Variants in NRG1 observed in about 807,000 individuals in gnomAD.
NRG1 encodes pro-neuregulin-1, membrane-bound isoform.
NRG1 carries 18 observed loss-of-function variants against 63.8 expected under a neutral mutation model. The ratio of observed to expected loss-of-function variants is 0.28; its 90% confidence interval spans 0.19 to 0.42. The LOEUF (loss-of-function observed/expected upper bound fraction) is 0.42. Among genes scored for constraint, NRG1 ranks in the 10% least tolerant of loss-of-function variants. The pLI, the probability that NRG1 is intolerant of heterozygous loss-of-function variation, is 1.00. For synonymous variants in NRG1, 302 were observed against 301.3 expected, an observed-to-expected ratio of 1.00 and a Z score of -0.02; for missense variants, 762 against 814.7, an observed-to-expected ratio of 0.94 and a Z score of 0.79.
At chr8:32,157,584 G>A (rs1838264860) in intron 1 of NRG1, among the ~76,000 whole-genome samples, 1 of 151,460 alleles carries the variant, frequency 6.6e-6, no homozygotes, top group African/African-American at 2.4e-5. Flanking sequence ...GCTTGAACCT[G>A]GAAGGTGGAG....
At chr8:32,192,765 T>C (rs190454994) in intron 1 of NRG1, among the ~76,000 whole-genome samples, 64 of 152,158 alleles carry the variant, frequency 4.2e-4, no homozygotes, top group Admixed American at 7.2e-4. Context: ...AAGTAAAACA[T>C]AAAACATATA....
At chr8:32,385,017 G>C (rs1344309096) in intron 1 of NRG1, among the ~76,000 whole-genome samples, 2 of 152,008 alleles carry the variant, frequency 1.3e-5, no homozygotes, top group East Asian at 3.9e-4. Flanking sequence ...AGCTACTTAT[G>C]GCCTCTCTCT....
intron 1 of NRG1, among the ~76,000 whole-genome samples, chr8:32,055,820 T>G (rs987343402): frequency 6.6e-6 from 1 of 152,010 alleles, no homozygotes; most frequent in Non-Finnish European, 1.5e-5. Flanking sequence ...CTTGGTGGTG[T>G]TTTCCTTGGT....
chr8:32,377,686 G>A (rs183797769), intron 1 of NRG1, among the ~76,000 whole-genome samples: 1 of 152,288 alleles, frequency 6.6e-6, no homozygotes, highest in Non-Finnish European at 1.5e-5. Flanking sequence ...TAGTTTTAAA[G>A]TGTTTATTTT....
At chr8:31,660,450 G>A (rs777704848) in intron 1 of NRG1, among the ~76,000 whole-genome samples, 3 of 152,140 alleles carry the variant, frequency 2.0e-5, no homozygotes, top group African/African-American at 4.8e-5. Flanking sequence ...TTTGTTTGCC[G>A]AGTATGTTAA....
intron 1 of NRG1, among the ~76,000 whole-genome samples, chr8:32,462,206 C>T (rs1822404545): frequency 6.6e-6 from 1 of 152,112 alleles, no homozygotes; most frequent in South Asian, 2.1e-4. Flanking sequence ...AATGTCTTGT[C>T]CTGAAAGAAA....
intron 1 of NRG1, among the ~76,000 whole-genome samples, chr8:32,463,482 C>T (rs562033132): frequency 5.9e-5 from 9 of 152,186 alleles, no homozygotes; most frequent in Admixed American, 1.3e-4. Flanking sequence ...CTTTTTTATA[C>T]GAGTCAGTGT....
chr8:32,764,167 A>G, exon 12 of NRG1: 7 of 1,614,146 alleles, frequency 4.3e-6, no homozygotes, highest in Non-Finnish European at 5.9e-6. Context: ...TTGGAAGTGG[A>G]CAGCAACACA....
At chr8:32,176,324 AATTCAAGG>A (rs1205193783) in intron 1 of NRG1, among the ~76,000 whole-genome samples, 1 of 152,214 alleles carries the variant, frequency 6.6e-6, no homozygotes, top group Non-Finnish European at 1.5e-5. Context: ...TACAAAAATT[AATTCAAGG>A]TGATTAAAGA....
At chr8:32,464,629 C>CGG (rs1822829959) in intron 1 of NRG1, among the ~76,000 whole-genome samples, 1 of 152,058 alleles carries the variant, frequency 6.6e-6, no homozygotes, top group East Asian at 1.9e-4. Context: ...GGTTGCATTA[C>CGG]TTGTACAACC....
intron 1 of NRG1, among the ~76,000 whole-genome samples, chr8:31,648,840 G>A (rs1804561122): frequency 6.6e-6 from 1 of 152,040 alleles, no homozygotes; most frequent in Admixed American, 6.5e-5. Context: ...TTCACATTTT[G>A]GCTATTATAA....
At chr8:32,631,003 A>AT (rs11420758) in intron 5 of NRG1, among the ~76,000 whole-genome samples, 3,992 of 152,180 alleles carry the variant, frequency 0.026, 75 homozygotes, top group Middle Eastern at 0.092. Flanking sequence ...AAAAATACTG[A>AT]TTTTTCCTGG....
intron 1 of NRG1, among the ~76,000 whole-genome samples, chr8:32,529,745 A>T (rs556582973): frequency 6.6e-6 from 1 of 152,278 alleles, no homozygotes; most frequent in African/African-American, 2.4e-5. Context: ...ATCATGTCCC[A>T]TTGGAAAAAG....
intron 1 of NRG1, among the ~76,000 whole-genome samples, chr8:31,670,393 C>G (rs933587456): frequency 1.3e-5 from 2 of 152,142 alleles, no homozygotes; most frequent in Non-Finnish European, 2.9e-5. Context: ...CTGACTTTAT[C>G]CTTTCAATCA....
intron 1 of NRG1, among the ~76,000 whole-genome samples, chr8:31,744,562 C>T (rs995940563): frequency 6.6e-6 from 1 of 151,886 alleles, no homozygotes; most frequent in Non-Finnish European, 1.5e-5. Context: ...GGATTTATTA[C>T]TGTTTTTGGT....
chr8:31,903,274 G>A (rs1273203321), intron 1 of NRG1, among the ~76,000 whole-genome samples: 1 of 148,698 alleles, frequency 6.7e-6, no homozygotes, highest in African/African-American at 2.5e-5. Flanking sequence ...TCAGCCTCCC[G>A]AGTAGCTGGG....
At chr8:32,229,093 C>T (rs1473629135) in intron 1 of NRG1, among the ~76,000 whole-genome samples, 1 of 152,090 alleles carries the variant, frequency 6.6e-6, no homozygotes, top group African/African-American at 2.4e-5. Context: ...TGGGAAACGT[C>T]GCAGTACACC....
chr8:31,795,050 G>T, intron 1 of NRG1, among the ~76,000 whole-genome samples: 1 of 152,112 alleles, frequency 6.6e-6, no homozygotes, highest in East Asian at 1.9e-4. Flanking sequence ...TGATACGCCT[G>T]CCTTAGCCTC....
intron 1 of NRG1, among the ~76,000 whole-genome samples, chr8:32,026,880 TTTCTC>T (rs1179107044): frequency 3.3e-5 from 5 of 152,200 alleles, no homozygotes; most frequent in African/African-American, 1.2e-4. Context: ...AGTATTCACT[TTTCTC>T]TAATTGCTTT....
Sources: allele counts gnomAD v4.1 joint callset (sites outside exome capture counted in the v4.1 genomes callset), GRCh38; gene constraint gnomAD v4.1.1; transcripts MANE v1.5; gene names NCBI Gene and HGNC (gene_info 2026-07-23, HGNC 2026-07-21).